Variants in PAPLN observed in about 807,000 individuals in gnomAD.
The protein encoded by PAPLN is papilin, proteoglycan like sulfated glycoprotein, also known as papilin.
A neutral mutation model predicts 159.0 loss-of-function variants in PAPLN; 146 were observed. The ratio of observed to expected loss-of-function variants is 0.92; its 90% confidence interval spans 0.80 to 1.05. The LOEUF is 1.05. PAPLN is among the 50% of genes least tolerant of loss of function. PAPLN has a pLI of 0.00. For synonymous variants in PAPLN, 734 were observed against 702.9 expected (o/e 1.04, Z -0.70); for missense variants, 1,720 against 1,743.9 (o/e 0.99, Z 0.24).
chr14:73,248,696 C>T (rs1055685987), intron 5 of PAPLN, among the ~76,000 whole-genome samples: 3 of 152,082 alleles, frequency 2.0e-5, no homozygotes, highest in African/African-American at 7.2e-5. Context: ...GTTGCACACC[C>T]ATGTAGTCCC....
chr14:73,271,587 T>C (rs1008659800), intron 26 of PAPLN, among the ~76,000 whole-genome samples: 19 of 152,136 alleles, frequency 1.2e-4, no homozygotes, highest in Non-Finnish European at 2.2e-4. Context: ...CTGTAACCTC[T>C]GCCTCCTGGG....
chr14:73,263,745 G>T lies in PAPLN; in HGVS notation c.2824G>T (p.Ala942Ser). The change falls in exon 20 of 27, where the codon GCC becomes TCC. Residue 942 changes from alanine to serine, a missense_variant. Transcript: ENST00000644200. ...SDDTAPESQA[A>S]WQKDGQPISS... is the part of the protein sequence containing the mutation. ...CGACACTGCCCCGGAATCCCAGGCT[G>T]CCTGGCAGAAAGATGGCCAGCCCAT... The T allele has an allele frequency of 6.2e-7, 1 of 1,608,018 alleles. No individual in the cohort carries two copies. Among genetic ancestry groups the T allele is most frequent in the African/African-American group, 1.3e-5 (1 of 75,036 alleles).
rs373499660 is a variant in PAPLN at position 73,266,852 on chromosome 14, T to C, written c.3500+21T>C. 83 of 1,588,668 alleles carry C rather than the reference T, an allele frequency of 5.2e-5. No individual in the cohort carries two copies. The African/African-American group carries it at 6.6e-4, about 13-fold the overall frequency. On this transcript the variant is annotated intron_variant, in intron 25 of 26. Transcript: ENST00000644200. Reference sequence around the variant, plus strand: ...TCCAGGTAAAGGCTCTATTCCAAGTTGTCCCTGTCCCCAGACCTTCACAAC... The same window carrying C: ...TCCAGGTAAAGGCTCTATTCCAAGTCGTCCCTGTCCCCAGACCTTCACAAC...
rs749350401 is a variant in PAPLN, at chr14:73,246,078, C to T, written c.237C>T (p.Cys79=). Residue 79 remains cysteine (C), a synonymous_variant, in exon 5 of 27, where the codon TGC becomes TGT. Transcript: ENST00000644200. The part of the protein sequence containing the change: ...RSHRSCRTES[C]PDGARDFRAE... ...ACTTCCCCTCCGCCCCGCAGAGCTGCCCCGACGGCGCCCGGGACTTCCGGG... is the reference window on the plus strand; with the variant it reads ...ACTTCCCCTCCGCCCCGCAGAGCTGTCCCGACGGCGCCCGGGACTTCCGGG... 1.1e-5 allele frequency: 17 copies of T among 1,553,196 alleles called. No homozygotes were observed. The East Asian group carries it at 4.0e-4, about 37-fold the overall frequency.
At chr14:73,250,823 G>A (rs955527482) in intron 6 of PAPLN, 84 bp from the exon 7 acceptor site, 11 of 1,482,626 alleles carry the variant, frequency 7.4e-6, no homozygotes, top group Non-Finnish European at 9.9e-6. Context: ...GGCTGCGTGG[G>A]TGCTGGGGTT....
rs1886847320 is a variant in PAPLN, at chr14:73,263,772, T to C, written c.2851T>C (p.Ser951Pro). Residue 951 changes from serine to proline, a missense_variant, in exon 20 of 27, where the codon TCC becomes CCC. Coordinates refer to ENST00000644200, the MANE Select transcript of PAPLN (RefSeq NM_001365906.3). ...CTGGCAGAAAGATGGCCAGCCCATC[T>C]CCTCTGACAGGTGGGTGAGAGTCCC... The part of the protein sequence containing the change: ...AAWQKDGQPI[S>P]SDRHRLQFDG... The C allele has an allele frequency of 6.2e-7, 1 of 1,603,212 alleles. No homozygotes were observed. The highest frequency in any genetic ancestry group is 1.3e-5 in the African/African-American group (1 of 74,818).
At chr14:73,257,394 C>T (rs1180408142) in intron 14 of PAPLN, among the ~76,000 whole-genome samples, 1 of 106,928 alleles carries the variant, frequency 9.4e-6, no homozygotes, top group Non-Finnish European at 1.9e-5. Flanking sequence ...GCAACTTTCA[C>T]TATGGGCATT....
At chr14:73,263,842 C>G in intron 20 of PAPLN, 60 bp downstream of exon 20, 1 of 1,526,296 alleles carries the variant, frequency 6.6e-7, no homozygotes, top group South Asian at 1.2e-5. Flanking sequence ...CCTTCCCTGA[C>G]AGGTGTGTGT....
At chr14:73,260,620 C>T in intron 16 of PAPLN, 89 bp from the exon 17 acceptor site, 1 of 1,351,522 alleles carries the variant, frequency 7.4e-7, no homozygotes, top group Non-Finnish European at 9.5e-7. Flanking sequence ...TGTCAGCCCC[C>T]ACCATGGGGA....
In PAPLN at chr14:73,254,453, C is replaced by A. The variant is rs879218971; in HGVS notation, c.1303-60C>A. On this transcript the variant is annotated intron_variant, in intron 12 of 26. Transcript: ENST00000644200. ...CCAGGCTGGTGGGCCGCTAGCTGTC[C>A]GAACTGGCGTGGCTCCTGGGGGCAA... The A allele has an allele frequency of 2.5e-6, 4 of 1,585,514 alleles. No individual in the cohort carries two copies. In the South Asian group the frequency reaches 3.5e-5, roughly 14 times the overall value.
chr14:73,242,176 G>A (rs1004422465), intron 2 of PAPLN, among the ~76,000 whole-genome samples: 4 of 152,254 alleles, frequency 2.6e-5, no homozygotes, highest in African/African-American at 9.6e-5. Context: ...AGGATGGGAC[G>A]GACTAGGGCT....
In PAPLN at chr14:73,254,071, C is replaced by T. The variant is rs546372132; in HGVS notation, c.1302+110C>T. The T allele has an allele frequency of 2.9e-5, 36 of 1,229,286 alleles. No individual in the cohort carries two copies. The Middle Eastern group carries it at 8.3e-4, about 29-fold the overall frequency. 76.1% of individuals were successfully genotyped at this position (1,229,286 alleles called of 1,614,324 possible). A position where few individuals can be genotyped will look rare whatever the true frequency, so the allele number is the denominator to read the frequency against. ...CCGAGGTCCTGGGAGGTAAAATAACCGGTCAGGTCATCTTGGAAGCTGTGG... is the reference window on the plus strand; with the variant it reads ...CCGAGGTCCTGGGAGGTAAAATAACTGGTCAGGTCATCTTGGAAGCTGTGG... On this transcript the variant is annotated intron_variant, in intron 12 of 26. Transcript: ENST00000644200.
rs1483362647 is a variant in PAPLN at position 73,266,758 on chromosome 14, A to G, written c.3427A>G (p.Thr1143Ala). The change falls in exon 25 of 27, where the codon ACA (threonine) becomes GCA (alanine). Residue 1143 changes from threonine (T) to alanine (A), a missense_variant. Thr to Ala is a moderately conservative substitution (Grantham distance 58, BLOSUM62 0). Coordinates refer to ENST00000644200, the MANE Select transcript of PAPLN (RefSeq NM_001365906.3). Reference protein sequence around the residue: ...LTISGLPPTVTVPEGDTARLL... With the variant: ...LTISGLPPTVAVPEGDTARLL... The stretch of plus-strand genomic sequence containing the variant: ...AATCTCAGGACTGCCCCCTACTGTG[A>G]CAGTGCCAGAGGGTGATACGGCCAG... 6.2e-7 allele frequency: 1 copy of G among 1,614,010 alleles called. No individual in the cohort carries two copies. The highest frequency in any genetic ancestry group is 1.3e-5 in the African/African-American group (1 of 75,016).
rs1330632541 is a variant in PAPLN at position 73,250,003 on chromosome 14, G to A, written c.354G>A (p.Leu118=). 2 of 1,611,202 alleles carry A rather than the reference G, an allele frequency of 1.2e-6. No individual in the cohort carries two copies. The highest frequency in any genetic ancestry group is 2.7e-5 in the African/African-American group (2 of 74,774). The stretch of plus-strand genomic sequence containing the variant: ...CCCCAGCCCCAAACAAGTGTGAACT[G>A]AACTGCATTCCCAAGGGGGAGAACT... ...PYYSAPNKCE[L]NCIPKGENFY... The change falls in exon 6 of 27, where the codon CTG becomes CTA. Residue 118 remains leucine (L), a synonymous_variant. Coordinates refer to ENST00000644200, the MANE Select transcript of PAPLN (RefSeq NM_001365906.3).
Position 73,263,746 on chromosome 14 carries a change from C to T in PAPLN, c.2825C>T (p.Ala942Val). Reference sequence around the variant, plus strand: ...GACACTGCCCCGGAATCCCAGGCTGCCTGGCAGAAAGATGGCCAGCCCATC... The same window carrying T: ...GACACTGCCCCGGAATCCCAGGCTGTCTGGCAGAAAGATGGCCAGCCCATC... Reference protein sequence around the residue: ...SDDTAPESQAAWQKDGQPISS... With the variant: ...SDDTAPESQAVWQKDGQPISS... The change falls in exon 20 of 27, where the codon GCC (alanine) becomes GTC (valine). Residue 942 changes from alanine (A) to valine (V), a missense_variant. Ala to Val is a moderately conservative substitution (Grantham distance 64). Transcript: ENST00000644200. 1 of 1,607,766 alleles carries T rather than the reference C, an allele frequency of 6.2e-7. No homozygotes were observed. The highest frequency in any genetic ancestry group is 8.5e-7 in the Non-Finnish European group (1 of 1,179,896).
intron 14 of PAPLN, among the ~76,000 whole-genome samples, chr14:73,255,961 G>A (rs1337953099): frequency 6.6e-6 from 1 of 152,212 alleles, no homozygotes; most frequent in East Asian, 1.9e-4. Flanking sequence ...CCAGACCGTG[G>A]TGGTCATGCA....
Position 73,245,877 on chromosome 14 carries a change from CT to C in PAPLN, c.231+183del. The C allele has an allele frequency of 1.1e-6, 1 of 923,788 alleles. No homozygotes were observed. Among genetic ancestry groups the C allele is most frequent in the Non-Finnish European group, 1.6e-6 (1 of 625,406 alleles). The allele number at this position is 923,788 out of a possible 1,614,324, so 57.2% of individuals were successfully genotyped here. ...CCTCACCCTGCTCCCGGGGACTGGC[CT>C]TGCCCTCCACAGCCTAGAGCACCAT... On this transcript the variant is annotated intron_variant, in intron 4 of 26. Coordinates refer to ENST00000644200, the MANE Select transcript of PAPLN (RefSeq NM_001365906.3). The surrounding 1 kb of genome is among the most constrained non-coding windows in gnomAD (Gnocchi z 4.2).
At chr14:73,246,288 G>T in intron 5 of PAPLN, 113 bp downstream of exon 5, 1 of 915,938 alleles carries the variant, frequency 1.1e-6, no homozygotes, top group East Asian at 3.3e-5. Context: ...ATTAGAGACA[G>T]TCTCACTGTG....
In PAPLN at chr14:73,269,561, C is replaced by G. The variant is rs74061086; in HGVS notation, c.3667+838C>G. 9.5e-3 allele frequency among the ~76,000 whole-genome samples: 1,439 copies of G among 152,250 alleles called. 28 individuals are homozygous for G. The highest frequency in any genetic ancestry group is 0.033 in the African/African-American group (1,358 of 41,520). ...TAAGTGCATATCAGAACTGATGAAA[C>G]AGATTGTGGTTCAGAGTTCACACTT... On this transcript the variant is annotated intron_variant, in intron 26 of 26. Coordinates refer to ENST00000644200, the MANE Select transcript of PAPLN (RefSeq NM_001365906.3).
Sources: allele counts gnomAD v4.1 joint callset (sites outside exome capture counted in the v4.1 genomes callset), GRCh38; gene constraint gnomAD v4.1.1; non-coding constraint Gnocchi (gnomAD v3.1); transcripts MANE v1.5; gene names NCBI Gene and HGNC (gene_info 2026-07-23, HGNC 2026-07-21).